The following SERINC5 variants were observed in gnomAD, a reference collection of about 807,000 sequenced individuals.
SERINC5 encodes serine incorporator 5.
Under a neutral mutation model 63.1 loss-of-function variants are expected in SERINC5, and 41 were observed. The observed-to-expected ratio is 0.65, with a 90% CI of 0.51 to 0.84. The LOEUF is 0.84. Among genes scored for constraint, SERINC5 ranks in the 40% least tolerant of loss-of-function variants. The pLI, the probability that SERINC5 is intolerant of heterozygous loss-of-function variation, is 0.00. For synonymous variants in SERINC5, 222 were observed against 215.2 expected (o/e 1.03, Z -0.28); for missense variants, 523 against 573.0 (o/e 0.91, Z 0.89).
Position 80,143,439 on chromosome 5 carries a change from C to T in SERINC5, c.*224G>A. 7.7e-7 allele frequency: 1 copy of T among 1,306,286 alleles called. No homozygotes were observed. Among genetic ancestry groups the T allele is most frequent in the Non-Finnish European group, 9.7e-7 (1 of 1,028,548 alleles). 80.9% of individuals were successfully genotyped at this position (1,306,286 alleles called of 1,614,324 possible). ...GTTCCTAGGGGTAAGATATTTCAACCATGATCAGTTTGGTTGAAAATTTCA... is the reference window on the plus strand; with the variant it reads ...GTTCCTAGGGGTAAGATATTTCAACTATGATCAGTTTGGTTGAAAATTTCA... On this transcript the variant is annotated 3_prime_UTR_variant, in exon 12 of 12. Coordinates refer to ENST00000507668, the MANE Select transcript of SERINC5 (RefSeq NM_001174072.3).
intron 7 of SERINC5, among the ~76,000 whole-genome samples, chr5:80,164,910 G>GTTTTTTTTTGTTTTTT (rs1747175206): frequency 1.2e-5 from 1 of 85,190 alleles, no homozygotes; most frequent in African/African-American, 4.9e-5. Context: ...CTTTTTTTCT[G>GTTTTTTTTTGTTTTTT]TTTTTTTTTT....
chr5:80,244,755 G>A (rs1224994021), intron 1 of SERINC5, among the ~76,000 whole-genome samples: 3 of 152,118 alleles, frequency 2.0e-5, no homozygotes, highest in Non-Finnish European at 4.4e-5. Context: ...CCAGAAGGCA[G>A]AGGTTGCAGT....
rs189910816 is a variant in SERINC5, at chr5:80,201,410, G to A, written c.195+1476C>T. On this transcript the variant is annotated intron_variant, in intron 2 of 11. Coordinates refer to ENST00000507668, the MANE Select transcript of SERINC5 (RefSeq NM_001174072.3). ...CTGCTCTCTCTTCCTGGCAAACTGC[G>A]CCCTTGCAAAGAAGTCTGCCCTTCC... Among the ~76,000 whole-genome samples, 23 of 152,330 alleles carry A rather than the reference G, an allele frequency of 1.5e-4. 1 individual carries two copies. The East Asian group carries it at 3.5e-3, about 23-fold the overall frequency.
intron 8 of SERINC5, among the ~76,000 whole-genome samples, chr5:80,155,632 G>A (rs1456541855): frequency 1.3e-5 from 2 of 151,236 alleles, no homozygotes; most frequent in African/African-American, 2.4e-5. Context: ...AATGCCAGGT[G>A]TCATGGTTAT....
chr5:80,255,128 A>G (rs1752594169), intron 1 of SERINC5: 1 of 152,286 alleles, frequency 6.6e-6, no homozygotes, highest in African/African-American at 2.4e-5. Flanking sequence ...AACCAGCATT[A>G]CAGGGCTAAG....
At chr5:80,204,314 G>T (rs999422384) in intron 1 of SERINC5, among the ~76,000 whole-genome samples, 2 of 152,190 alleles carry the variant, frequency 1.3e-5, no homozygotes, top group Non-Finnish European at 2.9e-5. Context: ...AAGTCTTGTG[G>T]AACCCAGCCC....
intron 2 of SERINC5, among the ~76,000 whole-genome samples, chr5:80,190,320 C>T (rs1037734969): frequency 6.6e-6 from 1 of 151,314 alleles, no homozygotes; most frequent in Admixed American, 6.6e-5. Flanking sequence ...GTCATGTTGC[C>T]CAGGCTGGTC....
chr5:80,140,721 A>AC lies in SERINC5; in HGVS notation c.*2941dup, dbSNP rs1341399930. ...GCCGCGGTATGACACTCCCATAAGA[A>AC]CCCCCACCCCCCTGCCACCCACTTA... On this transcript the variant is annotated 3_prime_UTR_variant, in exon 12 of 12. Coordinates refer to ENST00000507668, the MANE Select transcript of SERINC5 (RefSeq NM_001174072.3). 2.0e-6 allele frequency: 2 copies of AC among 984,760 alleles called. No homozygotes were observed. The highest frequency in any genetic ancestry group is 2.4e-6 in the Non-Finnish European group (2 of 829,826). 61.0% of individuals were successfully genotyped at this position (984,760 alleles called of 1,614,324 possible). A position where few individuals can be genotyped will look rare whatever the true frequency, so the allele number is the denominator to read the frequency against.
At chr5:80,148,189 C>CTTTTTTTTTTTTTTTTTTTTT (rs796769914) in intron 9 of SERINC5, among the ~76,000 whole-genome samples, 2 of 102,334 alleles carry the variant, frequency 2.0e-5, no homozygotes, top group African/African-American at 3.8e-5. Flanking sequence ...ATTTTTTATT[C>CTTTTTTTTTTTTTTTTTTTTT]TTTTTTTTTT....
intron 1 of SERINC5, among the ~76,000 whole-genome samples, chr5:80,217,220 G>T (rs1342850872): frequency 6.6e-6 from 1 of 151,724 alleles, no homozygotes. Flanking sequence ...AAAAAAGAAG[G>T]TGGGCAGAAA....
chr5:80,190,360 T>C (rs899214291), intron 2 of SERINC5, among the ~76,000 whole-genome samples: 2 of 152,096 alleles, frequency 1.3e-5, no homozygotes, highest in East Asian at 1.9e-4. Context: ...GATCCTCCCA[T>C]CTTGGTCTGC....
chr5:80,199,745 T>C lies in SERINC5; in HGVS notation c.195+3141A>G, dbSNP rs1749717007. On this transcript the variant is annotated intron_variant, in intron 2 of 11. Coordinates refer to ENST00000507668, the MANE Select transcript of SERINC5 (RefSeq NM_001174072.3). ...TTGTTTAGTAATAGATTTTGTTTTT[T>C]GGATGCAGGGCTTAATTCTATTAAA... Among the ~76,000 whole-genome samples the C allele has an allele frequency of 3.3e-5, 5 of 152,198 alleles. No individual in the cohort carries two copies. In the South Asian group the frequency reaches 1.0e-3, roughly 32 times the overall value.
At chr5:80,153,697 A>G (rs1746332430) in intron 8 of SERINC5, among the ~76,000 whole-genome samples, 1 of 151,778 alleles carries the variant, frequency 6.6e-6, no homozygotes, top group South Asian at 2.1e-4. Context: ...ACAATGCTTT[A>G]TTGTACGGAG....
chr5:80,214,295 T>C (rs186033035), intron 1 of SERINC5, among the ~76,000 whole-genome samples: 2 of 152,122 alleles, frequency 1.3e-5, no homozygotes, highest in East Asian at 3.9e-4. Context: ...ACATCAACAG[T>C]AGTAAACAGA....
chr5:80,123,293 G>C (rs891210649), intron 11 of SERINC5, among the ~76,000 whole-genome samples: 1 of 152,148 alleles, frequency 6.6e-6, no homozygotes, highest in Non-Finnish European at 1.5e-5. Flanking sequence ...TTTATGTAGA[G>C]ATGGGGTCTC....
chr5:80,232,241 A>G (rs1013390607), intron 1 of SERINC5, among the ~76,000 whole-genome samples: 21 of 150,742 alleles, frequency 1.4e-4, no homozygotes, highest in East Asian at 5.9e-4. Context: ...TGTCTCTACT[A>G]AAAATACAAA....
intron 2 of SERINC5, among the ~76,000 whole-genome samples, chr5:80,188,457 C>T (rs769309831): frequency 1.3e-5 from 2 of 152,056 alleles, no homozygotes; most frequent in Non-Finnish European, 2.9e-5. Flanking sequence ...TGATTGCTTC[C>T]CTAGAGGTGC....
At chr5:80,187,857 C>T (rs371121498) in intron 2 of SERINC5, among the ~76,000 whole-genome samples, 1 of 152,110 alleles carries the variant, frequency 6.6e-6, no homozygotes, top group African/African-American at 2.4e-5. Context: ...CTAAGCAAAC[C>T]GTTATACAAT....
intron 11 of SERINC5, among the ~76,000 whole-genome samples, chr5:80,124,045 G>C (rs1744648216): frequency 6.6e-6 from 1 of 152,180 alleles, no homozygotes. Context: ...CGGATGGCCA[G>C]ACTAGATATC....
Sources: gnomAD v4.1 joint callset for allele counts (sites outside exome capture counted in the v4.1 genomes callset) on GRCh38, gnomAD v4.1.1 for gene constraint, MANE v1.5 for transcripts, NCBI Gene and HGNC (gene_info 2026-07-23, HGNC 2026-07-21) for gene names.